NCAM2: variants seen among roughly 807,000 people sequenced by gnomAD.
NCAM2 encodes neural cell adhesion molecule 2.
A neutral mutation model predicts 98.1 loss-of-function variants in NCAM2; 30 were observed. That is an observed-to-expected ratio of 0.31 (90% confidence interval 0.23 to 0.41). NCAM2 has a LOEUF of 0.41. Ranked by LOEUF, NCAM2 falls within the 10% of genes least tolerant of loss-of-function variation. NCAM2 has a pLI of 1.00. For missense variants in NCAM2, 867 were observed against 1,005.8 expected (o/e 0.86, Z 1.87); for synonymous variants, 368 against 342.4 (o/e 1.07, Z -0.83).
At chr21:21,458,311 GC>G (rs1355720138) in intron 12 of NCAM2, among the ~76,000 whole-genome samples, 1 of 152,220 alleles carries the variant, frequency 6.6e-6, no homozygotes, top group Admixed American at 6.5e-5. Flanking sequence ...GGCACAATGT[GC>G]CCCCAGGCCC....
intron 8 of NCAM2, among the ~76,000 whole-genome samples, chr21:21,368,269 A>T: frequency 6.6e-6 from 1 of 151,788 alleles, no homozygotes; most frequent in Non-Finnish European, 1.5e-5. Flanking sequence ...TGCAAGAAAT[A>T]TTTCTTTTCT....
chr21:21,239,662 A>C (rs2147230383), intron 1 of NCAM2, among the ~76,000 whole-genome samples: 1 of 152,290 alleles, frequency 6.6e-6, no homozygotes, highest in South Asian at 2.1e-4. Context: ...CTGATTCCTA[A>C]AAGGTGGAAT....
chr21:21,213,835 C>T (rs1568778890), intron 1 of NCAM2, among the ~76,000 whole-genome samples: 1 of 152,074 alleles, frequency 6.6e-6, no homozygotes, highest in East Asian at 1.9e-4. Context: ...ATAAAACCTG[C>T]CTAATGTAAA....
chr21:21,509,793 G>C (rs999042340), intron 16 of NCAM2, among the ~76,000 whole-genome samples: 10 of 152,016 alleles, frequency 6.6e-5, no homozygotes, highest in Admixed American at 6.6e-4. Context: ...TTCAAAAGTA[G>C]AATATGATCA....
chr21:21,256,639 T>C (rs980615396), intron 1 of NCAM2, among the ~76,000 whole-genome samples: 1 of 152,208 alleles, frequency 6.6e-6, no homozygotes, highest in African/African-American at 2.4e-5. Flanking sequence ...TTTTAAGGAG[T>C]GTCATGAATC....
At chr21:21,274,279 A>C (rs1362797613) in intron 1 of NCAM2, among the ~76,000 whole-genome samples, 1 of 152,216 alleles carries the variant, frequency 6.6e-6, no homozygotes, top group Non-Finnish European at 1.5e-5. Flanking sequence ...GTTTGAGTAC[A>C]GATATAAAGA....
At chr21:21,417,559 C>T (rs1436597672) in intron 10 of NCAM2, among the ~76,000 whole-genome samples, 1 of 152,038 alleles carries the variant, frequency 6.6e-6, no homozygotes, top group Admixed American at 6.5e-5. Flanking sequence ...GGCATATTCT[C>T]TCTTAATAAT....
rs747049377 is a variant in NCAM2, at chr21:21,104,779, C to T, written c.55+106161C>T. ...CTTTCATTGTACCAGGATTGATTTG[C>T]GTGATCAATACAATATGGCAGAATT... On this transcript the variant is annotated intron_variant, in intron 1 of 17. Transcript: ENST00000400546. 8.6e-5 allele frequency among the ~76,000 whole-genome samples: 13 copies of T among 151,956 alleles called. No individual in the cohort carries two copies. The East Asian group carries it at 9.7e-4, about 11-fold the overall frequency.
chr21:21,483,794 G>A (rs1397724699), intron 15 of NCAM2, among the ~76,000 whole-genome samples: 4 of 151,990 alleles, frequency 2.6e-5, no homozygotes, highest in Non-Finnish European at 4.4e-5. Context: ...ATAATCTTTG[G>A]TTCCTAAAAT....
At chr21:21,171,507 C>T (rs2068124107) in intron 1 of NCAM2, among the ~76,000 whole-genome samples, 1 of 152,132 alleles carries the variant, frequency 6.6e-6, no homozygotes, top group Non-Finnish European at 1.5e-5. Context: ...AGTCAGGTGT[C>T]AAATGGTCTC....
chr21:21,115,999 GTCTT>G (rs1050035961), intron 1 of NCAM2, among the ~76,000 whole-genome samples: 53 of 134,934 alleles, frequency 3.9e-4, no homozygotes, highest in African/African-American at 1.4e-3. Flanking sequence ...GTGTCTGTCT[GTCTT>G]TCATGCTGAG....
At chr21:21,219,976 A>G (rs957009025) in intron 1 of NCAM2, among the ~76,000 whole-genome samples, 44 of 152,208 alleles carry the variant, frequency 2.9e-4, no homozygotes, top group African/African-American at 9.9e-4. Context: ...AAAAGCTTAT[A>G]GAATAAGGTT....
intron 1 of NCAM2, among the ~76,000 whole-genome samples, chr21:21,163,073 T>A (rs1210965523): frequency 6.6e-6 from 1 of 152,146 alleles, no homozygotes; most frequent in African/African-American, 2.4e-5. Flanking sequence ...TTCTAAATAC[T>A]AATGTTGAAG....
At chr21:21,533,360 A>G (rs1169255221) in intron 16 of NCAM2, among the ~76,000 whole-genome samples, 1 of 151,856 alleles carries the variant, frequency 6.6e-6, no homozygotes, top group Non-Finnish European at 1.5e-5. Flanking sequence ...GGAATGTCAT[A>G]TAGTTGGAAT....
intron 1 of NCAM2, among the ~76,000 whole-genome samples, chr21:21,038,668 G>A (rs1239539657): frequency 6.6e-6 from 1 of 152,168 alleles, no homozygotes; most frequent in Non-Finnish European, 1.5e-5. Flanking sequence ...CAGCCCTGCG[G>A]AACTGTAAGT....
intron 1 of NCAM2, among the ~76,000 whole-genome samples, chr21:21,153,993 T>C (rs2067531202): frequency 6.6e-6 from 1 of 151,838 alleles, no homozygotes; most frequent in Admixed American, 6.6e-5. Context: ...AGTTTATAAA[T>C]GAGATAGAGA....
intron 12 of NCAM2, among the ~76,000 whole-genome samples, chr21:21,451,127 C>A (rs1312308178): frequency 6.6e-6 from 1 of 151,818 alleles, no homozygotes; most frequent in Non-Finnish European, 1.5e-5. Context: ...TCAGTCACGC[C>A]TCTCTGTCTT....
At chr21:21,194,635 T>C (rs1447006097) in intron 1 of NCAM2, among the ~76,000 whole-genome samples, 1 of 152,142 alleles carries the variant, frequency 6.6e-6, no homozygotes, top group Non-Finnish European at 1.5e-5. Flanking sequence ...TGGTATTAAA[T>C]ATGTACAAAA....
At chr21:21,307,608 T>C (rs2073925572) in intron 5 of NCAM2, among the ~76,000 whole-genome samples, 1 of 152,040 alleles carries the variant, frequency 6.6e-6, no homozygotes, top group Non-Finnish European at 1.5e-5. Context: ...GTCATTCAGG[T>C]TTTTGGCAGA....
Sources: gnomAD v4.1 joint callset for allele counts (sites outside exome capture counted in the v4.1 genomes callset) on GRCh38, gnomAD v4.1.1 for gene constraint, MANE v1.5 for transcripts, NCBI Gene and HGNC (gene_info 2026-07-23, HGNC 2026-07-21) for gene names.